The following PHF3 variants were observed in gnomAD, a reference collection of about 807,000 sequenced individuals.
The protein encoded by PHF3 is PHD finger protein 3.
Under a neutral mutation model 178.4 loss-of-function variants are expected in PHF3, and 41 were observed. That is an observed-to-expected ratio of 0.23 (90% CI 0.18 to 0.30). The LOEUF (loss-of-function observed/expected upper bound fraction) is 0.30. Ranked by LOEUF, PHF3 falls within the 10% of genes least tolerant of loss-of-function variation. The pLI, the probability that PHF3 is intolerant of heterozygous loss-of-function variation, is 1.00. For synonymous variants in PHF3, 842 were observed against 800.5 expected, an observed-to-expected ratio of 1.05 and a Z score of -0.88; for missense variants, 2,346 against 2,398.1, an observed-to-expected ratio of 0.98 and a Z score of 0.45.
intron 2 of PHF3, among the ~76,000 whole-genome samples, chr6:63,677,605 A>G (rs565148436): frequency 2.6e-5 from 4 of 152,298 alleles, no homozygotes; most frequent in East Asian, 1.9e-4. Flanking sequence ...AACAAACACT[A>G]TTCATCAGGC....
Position 63,713,492 on chromosome 6 carries a change from T to G in PHF3, c.5904T>G (p.Asp1968Glu). Reference protein sequence around the residue: ...DRKSREEGHKDKERARLSHGD... With the variant: ...DRKSREEGHKEKERARLSHGD... ...AAAGCAGGGAGGAAGGGCACAAAGA[T>G]AAAGAGAGGGCACGGTTATCACATG... The change falls in exon 16 of 16, where the codon GAT becomes GAG. Residue 1968 changes from aspartate (D) to glutamate (E), a missense_variant. By Grantham distance (45) the Asp-to-Glu change is conservative. This residue lies in a region of PHF3 where 839 missense variants were observed against 806.9 expected (regional missense o/e 1.04). Transcript: ENST00000262043. The G allele has an allele frequency of 6.2e-7, 1 of 1,613,286 alleles. No homozygotes were observed. The highest frequency in any genetic ancestry group is 8.5e-7 in the Non-Finnish European group (1 of 1,179,816).
At chr6:63,694,195 G>A (rs989998092) in intron 5 of PHF3, among the ~76,000 whole-genome samples, 2 of 152,028 alleles carry the variant, frequency 1.3e-5, no homozygotes, top group Non-Finnish European at 2.9e-5. Context: ...CTACCTCATG[G>A]GAATTAAAAT....
At chr6:63,691,454 G>A (rs1197820681) in intron 4 of PHF3, among the ~76,000 whole-genome samples, 1 of 152,042 alleles carries the variant, frequency 6.6e-6, no homozygotes, top group Non-Finnish European at 1.5e-5. Flanking sequence ...GACTGACAAA[G>A]GCCAGTTGTC....
intron 2 of PHF3, among the ~76,000 whole-genome samples, chr6:63,656,964 T>A (rs1337151552): frequency 6.6e-6 from 1 of 152,248 alleles, no homozygotes; most frequent in Non-Finnish European, 1.5e-5. Context: ...GTTCTGAAAT[T>A]GCAGTGATGT....
At chr6:63,696,477 C>T (rs1422540161) in intron 6 of PHF3, among the ~76,000 whole-genome samples, 2 of 152,124 alleles carry the variant, frequency 1.3e-5, no homozygotes, top group Non-Finnish European at 2.9e-5. Flanking sequence ...CACCACCACA[C>T]CCAGCTAATT....
In PHF3 at chr6:63,713,811, T is replaced by G; in HGVS notation, c.*103T>G. The stretch of plus-strand genomic sequence containing the variant: ...GCTAGGATTGTGCCATCTTTAAAAT[T>G]TTTACTATTGGTCATTTGCAGAACA... On this transcript the variant is annotated 3_prime_UTR_variant, in exon 16 of 16. Coordinates refer to ENST00000262043, the MANE Select transcript of PHF3 (RefSeq NM_001370348.2). 1 of 982,838 alleles carries G rather than the reference T, an allele frequency of 1.0e-6. No homozygotes were observed. Among genetic ancestry groups the G allele is most frequent in the Non-Finnish European group, 1.5e-6 (1 of 679,924 alleles). The allele number at this position is 982,838 out of a possible 1,614,324, so 60.9% of individuals were successfully genotyped here.
intron 2 of PHF3, among the ~76,000 whole-genome samples, chr6:63,673,275 T>C (rs938160906): frequency 3.3e-5 from 5 of 152,174 alleles, no homozygotes; most frequent in Non-Finnish European, 5.9e-5. Flanking sequence ...GATACAGATA[T>C]CTGCTTAAGT....
rs1184216578 is a variant in PHF3 at position 63,714,708 on chromosome 6, T to TTA, written c.*1000_*1001insTA. ...GTGCAGCTATAGCCCACTTTATAGG[T>TTA]AAGTTTCTGAAAACTTTTACACCAT... On this transcript the variant is annotated 3_prime_UTR_variant, in exon 16 of 16. Coordinates refer to ENST00000262043, the MANE Select transcript of PHF3 (RefSeq NM_001370348.2). 1 of 152,126 alleles carries TTA rather than the reference T, an allele frequency of 6.6e-6. No individual in the cohort carries two copies. Among genetic ancestry groups the TTA allele is most frequent in the Non-Finnish European group, 1.5e-5 (1 of 67,982 alleles). The allele number at this position is 152,126 out of a possible 1,614,324, so 9.4% of individuals were successfully genotyped here. A position where few individuals can be genotyped will look rare whatever the true frequency, so the allele number is the denominator to read the frequency against.
At position 63,684,579 on chromosome 6, in the gene PHF3, T is replaced by TTTA; in HGVS notation, c.858_859insTAT (p.Phe286_Lys287insTyr). 1 of 1,613,978 alleles carries TTTA rather than the reference T, an allele frequency of 6.2e-7. No homozygotes were observed. The highest frequency in any genetic ancestry group is 8.5e-7 in the Non-Finnish European group (1 of 1,179,904). ...GCCAAGCCTGTTGGTAGTCCATTGT[T>TTTA]TAAGTTTTCAGATAAAGAAGAACAT... On this transcript the variant is annotated inframe_insertion, in exon 4 of 16. Coordinates refer to ENST00000262043, the MANE Select transcript of PHF3 (RefSeq NM_001370348.2).
Position 63,714,065 on chromosome 6 carries a change from C to T in PHF3, c.*357C>T, listed in dbSNP as rs773180394. Reference sequence around the variant, plus strand: ...TATATTTACTTCCTCTAGTGAATGTCCTTTATATAATGACTAATTTGGGAG... The same window carrying T: ...TATATTTACTTCCTCTAGTGAATGTTCTTTATATAATGACTAATTTGGGAG... On this transcript the variant is annotated 3_prime_UTR_variant, in exon 16 of 16. Transcript: ENST00000262043. 1 of 165,864 alleles carries T rather than the reference C, an allele frequency of 6.0e-6. No homozygotes were observed. Among genetic ancestry groups the T allele is most frequent in the East Asian group, 1.7e-4 (1 of 5,954 alleles). 10.3% of individuals were successfully genotyped at this position (165,864 alleles called of 1,614,324 possible). A position where few individuals can be genotyped will look rare whatever the true frequency, so the allele number is the denominator to read the frequency against.
At chr6:63,640,589 TAAATG>T (rs1764530325) in intron 1 of PHF3, among the ~76,000 whole-genome samples, 1 of 152,224 alleles carries the variant, frequency 6.6e-6, no homozygotes, top group African/African-American at 2.4e-5. Context: ...CATTGACTCT[TAAATG>T]AAATTTTCTG....
At position 63,684,807 on chromosome 6, in the gene PHF3, G is replaced by A. The variant is rs1182153111; in HGVS notation, c.1085G>A (p.Gly362Asp). 2 of 1,613,974 alleles carry A rather than the reference G, an allele frequency of 1.2e-6. No individual in the cohort carries two copies. Among genetic ancestry groups the A allele is most frequent in the Admixed American group, 1.7e-5 (1 of 60,014 alleles). ...AATAAGACAGAAAACAGCCTTGTAG[G>A]TTTGCCTAGTTGTGTAGATGAAGTG... is the stretch of plus-strand genomic sequence containing the variant. ...NPNKTENSLV[G>D]LPSCVDEVTE... Residue 362 changes from glycine (G) to aspartate (D), a missense_variant, in exon 4 of 16, where the codon GGT (glycine) becomes GAT (aspartate). Gly to Asp is a moderately conservative substitution (Grantham distance 94, BLOSUM62 -1). Coordinates refer to ENST00000262043, the MANE Select transcript of PHF3 (RefSeq NM_001370348.2).
intron 6 of PHF3, among the ~76,000 whole-genome samples, chr6:63,695,373 C>T (rs1190867452): frequency 6.6e-6 from 1 of 152,144 alleles, no homozygotes; most frequent in Non-Finnish European, 1.5e-5. Context: ...GAGTATATGT[C>T]TATCTGTATA....
rs570024591 is a variant in PHF3, at chr6:63,651,923, T to C, written c.244+5128T>C. Among the ~76,000 whole-genome samples the C allele has an allele frequency of 6.6e-5, 10 of 152,318 alleles. No homozygotes were observed. In the South Asian group the frequency reaches 2.1e-3, roughly 32 times the overall value. ...GTTAGTATTCCATTGTGTATATATA[T>C]ACCACATTTTCTTATTCATCCACCT... On this transcript the variant is annotated intron_variant, in intron 2 of 15. Transcript: ENST00000262043.
At chr6:63,651,802 G>A (rs991306015) in intron 2 of PHF3, among the ~76,000 whole-genome samples, 1 of 152,002 alleles carries the variant, frequency 6.6e-6, no homozygotes, top group African/African-American at 2.4e-5. Context: ...GAGAGCATGC[G>A]GTATTTATAT....
intron 2 of PHF3, among the ~76,000 whole-genome samples, chr6:63,670,955 T>C (rs1000386099): frequency 4.6e-5 from 7 of 152,214 alleles, no homozygotes; most frequent in Non-Finnish European, 1.0e-4. Flanking sequence ...AAGAACTCTT[T>C]TGGTGGTCCT....
Position 63,724,369 on chromosome 6 carries a change from A to G in PHF3, c.*10661A>G, listed in dbSNP as rs1768532947. Among the ~76,000 whole-genome samples the G allele has an allele frequency of 6.6e-6, 1 of 152,164 alleles. No individual in the cohort carries two copies. The highest frequency in any genetic ancestry group is 2.1e-4 in the South Asian group (1 of 4,830). The stretch of plus-strand genomic sequence containing the variant: ...AATCAGCATATCAGGGGAATTGTAT[A>G]TACATTTTTTTCTGTAGAAAAGGAA... On this transcript the variant is annotated 3_prime_UTR_variant, in exon 16 of 16. Coordinates refer to ENST00000262043, the MANE Select transcript of PHF3 (RefSeq NM_001370348.2).
At position 63,715,836 on chromosome 6, in the gene PHF3, T is replaced by TCC. The variant is rs1768172303; in HGVS notation, c.*2129_*2130insCC. Among the ~76,000 whole-genome samples the TCC allele has an allele frequency of 3.9e-5, 6 of 152,106 alleles. No homozygotes were observed. The highest frequency in any genetic ancestry group is 1.3e-4 in the Admixed American group (2 of 15,234). On this transcript the variant is annotated 3_prime_UTR_variant, in exon 16 of 16. Transcript: ENST00000262043. ...AAAAAAGGGAAAATGAGCAGATTTT[T>TCC]CAATGAGTAGTAGATCCAAAGCCAT...
intron 1 of PHF3, among the ~76,000 whole-genome samples, chr6:63,637,174 C>T (rs1764378017): frequency 6.6e-6 from 1 of 152,190 alleles, no homozygotes; most frequent in African/African-American, 2.4e-5. Flanking sequence ...TCTCTAAATA[C>T]TAACTTTACT....
Sources: allele counts gnomAD v4.1 joint callset (sites outside exome capture counted in the v4.1 genomes callset), GRCh38; gene constraint gnomAD v4.1.1; regional missense constraint gnomAD v4.1.1; transcripts MANE v1.5; gene names NCBI Gene and HGNC (gene_info 2026-07-23, HGNC 2026-07-21).